Variants in SLC9D1 observed in about 807,000 individuals in gnomAD.
SLC9D1 encodes putative LAG1-interacting protein.
At chr13:113,495,875 T>G in the SLC9D1 span, 1 of 1,614,160 alleles carries the variant, frequency 6.2e-7, no homozygotes, top group Non-Finnish European at 8.5e-7. Context: ...CGTTTGAAAT[T>G]TTCCAGAAAG....
the SLC9D1 span, among the ~76,000 whole-genome samples, chr13:113,494,776 G>A: frequency 1.3e-5 from 2 of 152,188 alleles, no homozygotes; most frequent in African/African-American, 2.4e-5. Flanking sequence ...CAGTAGCTCA[G>A]AAGATTTCGT....
the SLC9D1 span, among the ~76,000 whole-genome samples, chr13:113,532,877 C>T: frequency 2.8e-3 from 286 of 102,712 alleles, 1 homozygote; most frequent in African/African-American, 0.01. Flanking sequence ...CTCTGAAGGA[C>T]GCTGCCTCCC....
At chr13:113,504,741 G>A in the SLC9D1 span, 1 of 152,156 alleles carries the variant, frequency 6.6e-6, no homozygotes, top group Non-Finnish European at 1.5e-5. Context: ...ATTTGGGCTG[G>A]TTCCATATTT....
chr13:113,498,645 C>T, the SLC9D1 span: 1 of 735,840 alleles, frequency 1.4e-6, no homozygotes, highest in Non-Finnish European at 2.1e-6. Flanking sequence ...AACTAAAATG[C>T]TTCTCTGTCG....
At chr13:113,544,958 C>T in the SLC9D1 span, among the ~76,000 whole-genome samples, 3 of 152,236 alleles carry the variant, frequency 2.0e-5, no homozygotes, top group Non-Finnish European at 4.4e-5. Context: ...TTCCTAGTCA[C>T]TCCAGCTTTA....
chr13:113,505,534 A>G, the SLC9D1 span: 4 of 152,242 alleles, frequency 2.6e-5, no homozygotes, highest in African/African-American at 4.8e-5. Flanking sequence ...GCAACAGAGC[A>G]AAATATCGGT....
the SLC9D1 span, among the ~76,000 whole-genome samples, chr13:113,506,533 G>A: frequency 2.0e-5 from 3 of 150,946 alleles, no homozygotes; most frequent in Non-Finnish European, 4.4e-5. Flanking sequence ...TCCATTCCAT[G>A]GTGCAGCATG....
At chr13:113,516,521 ACAC>A in the SLC9D1 span, among the ~76,000 whole-genome samples, 1 of 150,948 alleles carries the variant, frequency 6.6e-6, no homozygotes, top group African/African-American at 2.4e-5. Flanking sequence ...AGCTGAGTTC[ACAC>A]CACTGCACTC....
the SLC9D1 span, chr13:113,501,621 G>A: frequency 1.5e-6 from 1 of 678,996 alleles, no homozygotes; most frequent in African/African-American, 1.8e-5. Context: ...AAAATCGGTG[G>A]TTTTGTCTTC....
the SLC9D1 span, chr13:113,530,361 T>G: frequency 1.3e-5 from 2 of 152,218 alleles, no homozygotes; most frequent in African/African-American, 2.4e-5. Context: ...AGTTGTATGG[T>G]AAGTGAATTA....
chr13:113,506,847 G>A, the SLC9D1 span, among the ~76,000 whole-genome samples: 158 of 152,320 alleles, frequency 1.0e-3, 1 homozygote, highest in African/African-American at 3.7e-3. Flanking sequence ...TGTGAGCAGC[G>A]TGAGCATGTG....
chr13:113,530,246 G>GT, the SLC9D1 span: 1 of 152,188 alleles, frequency 6.6e-6, no homozygotes, highest in Non-Finnish European at 1.5e-5. Context: ...TGGGTACAGG[G>GT]TTTCTTTTTG....
At chr13:113,520,522 T>C in the SLC9D1 span, 1 of 790,762 alleles carries the variant, frequency 1.3e-6, no homozygotes, top group Non-Finnish European at 2.0e-6. Flanking sequence ...CAAAATAATT[T>C]GAGTTATTTT....
the SLC9D1 span, among the ~76,000 whole-genome samples, chr13:113,502,629 C>T: frequency 6.6e-6 from 1 of 152,328 alleles, no homozygotes; most frequent in Non-Finnish European, 1.5e-5. Flanking sequence ...GCACTTCTGA[C>T]AGGGAGGAAA....
the SLC9D1 span, chr13:113,549,626 G>T: frequency 2.0e-6 from 3 of 1,534,286 alleles, no homozygotes; most frequent in Non-Finnish European, 2.7e-6. Context: ...TGGGAAGCTC[G>T]CACCTTGGCA....
At chr13:113,501,331 T>G in the SLC9D1 span, among the ~76,000 whole-genome samples, 1 of 152,134 alleles carries the variant, frequency 6.6e-6, no homozygotes, top group Non-Finnish European at 1.5e-5. Flanking sequence ...ACAAATAAAA[T>G]ATGACATCAA....
chr13:113,543,239 A>G, the SLC9D1 span, among the ~76,000 whole-genome samples: 3 of 13,284 alleles, frequency 2.3e-4, no homozygotes, highest in Non-Finnish European at 3.8e-4. Flanking sequence ...CTGCGCCCCT[A>G]CCCTCCCTGT....
At chr13:113,521,535 A>C in the SLC9D1 span, among the ~76,000 whole-genome samples, 7 of 152,078 alleles carry the variant, frequency 4.6e-5, no homozygotes, top group Non-Finnish European at 8.8e-5. Context: ...CTGCATGTAC[A>C]TCTGCATGCG....
chr13:113,492,084 A>T, the SLC9D1 span, among the ~76,000 whole-genome samples: 1 of 152,010 alleles, frequency 6.6e-6, no homozygotes, highest in Admixed American at 6.5e-5. Context: ...GGCTCAAGCG[A>T]TTCTCCCGCC....
Sources: allele counts gnomAD v4.1 joint callset (sites outside exome capture counted in the v4.1 genomes callset), GRCh38; gene constraint gnomAD v4.1.1; transcripts MANE v1.5; gene names NCBI Gene and HGNC (gene_info 2026-07-23, HGNC 2026-07-21).